The following HLA-B variants were observed in gnomAD, a reference collection of about 807,000 sequenced individuals.
HLA-B encodes major histocompatibility complex, class I, B, also known as HLA class I antigen HLA-B.
A neutral mutation model predicts 41.5 loss-of-function variants in HLA-B; 31 were observed. The observed-to-expected ratio is 0.75, with a 90% CI of 0.56 to 1.01. HLA-B has a LOEUF of 1.01. Among genes scored for constraint, HLA-B ranks in the 50% least tolerant of loss-of-function variants. The pLI, the probability that HLA-B is intolerant of heterozygous loss-of-function variation, is 0.00. For synonymous variants in HLA-B, 138 were observed against 189.0 expected, an observed-to-expected ratio of 0.73 and a Z score of 2.21; for missense variants, 369 against 457.2, an observed-to-expected ratio of 0.81 and a Z score of 1.76.
Position 31,356,322 on chromosome 6 carries a change from C to G in HLA-B, c.464G>C (p.Arg155Pro). Reference protein sequence around the residue: ...KDYIALNEDLRSWTAADTAAQ... With the variant: ...KDYIALNEDLPSWTAADTAAQ... ...CGCCGTGTCCGCGGCGGTCCAGGAGCGCAGGTCCTCGTTCAGGGCGATGTA... is the reference window on the plus strand; with the variant it reads ...CGCCGTGTCCGCGGCGGTCCAGGAGGGCAGGTCCTCGTTCAGGGCGATGTA... Residue 155 changes from arginine (R) to proline (P), a missense_variant, in exon 3 of 8, where the codon CGC becomes CCC. By Grantham distance (103) the Arg-to-Pro change is moderately radical. Transcript: ENST00000412585. 1 of 1,295,796 alleles carries G rather than the reference C, an allele frequency of 7.7e-7. No homozygotes were observed. Among genetic ancestry groups the G allele is most frequent in the Non-Finnish European group, 1.0e-6 (1 of 982,352 alleles). 80.3% of individuals were successfully genotyped at this position (1,295,796 alleles called of 1,614,324 possible).
At chr6:31,356,101 TTC>T in intron 3 of HLA-B, 64 bp downstream of exon 3, 1 of 1,275,014 alleles carries the variant, frequency 7.8e-7, no homozygotes, top group South Asian at 1.3e-5. Flanking sequence ...TTTCCTCCTC[TTC>T]TCGTGGGAGG....
chr6:31,356,382 CGGA>C lies in HLA-B; in HGVS notation c.401_403del (p.Leu134del). 9.8e-7 allele frequency: 1 copy of C among 1,015,326 alleles called. No individual in the cohort carries two copies. The highest frequency in any genetic ancestry group is 1.3e-6 in the Non-Finnish European group (1 of 774,474). 62.9% of individuals were successfully genotyped at this position (1,015,326 alleles called of 1,614,324 possible). ...GTCGTAGGCGTACTGGTCATGCCCGCGGAGGAGGCGCCCGTCCGGCCCCACGTC... is the reference window on the plus strand; with the variant it reads ...GTCGTAGGCGTACTGGTCATGCCCGCGGAGGCGCCCGTCCGGCCCCACGTC... On this transcript the variant is annotated inframe_deletion, in exon 3 of 8. Transcript: ENST00000412585.
Position 31,355,138 on chromosome 6 carries a change from G to A in HLA-B, c.981C>T (p.Val327=), listed in dbSNP as rs2308518. ...TCTTCCTCCTACACATCACAGCAGCGACCACAGCTCCGATGACCACAACTG... is the reference window on the plus strand; with the variant it reads ...TCTTCCTCCTACACATCACAGCAGCAACCACAGCTCCGATGACCACAACTG... The part of the protein sequence containing the change: ...VLAVVVIGAV[V]AAVMCRRKSS... Residue 327 remains valine (V), a synonymous_variant, in exon 5 of 8, where the codon GTC becomes GTT. Coordinates refer to ENST00000412585, the MANE Select transcript of HLA-B (RefSeq NM_005514.8). 43 of 1,122,158 alleles carry A rather than the reference G, an allele frequency of 3.8e-5. 1 individual carries two copies. In the African/African-American group the frequency reaches 6.8e-4, roughly 18 times the overall value. 69.5% of individuals were successfully genotyped at this position (1,122,158 alleles called of 1,614,324 possible). A position where few individuals can be genotyped will look rare whatever the true frequency, so the allele number is the denominator to read the frequency against.
Position 31,356,462 on chromosome 6 carries a change from CAGCCCAGT to C in HLA-B, c.344-28_344-21del. 1.4e-6 allele frequency: 1 copy of C among 728,542 alleles called. No individual in the cohort carries two copies. Among genetic ancestry groups the C allele is most frequent in the Non-Finnish European group, 1.8e-6 (1 of 547,916 alleles). 45.1% of individuals were successfully genotyped at this position (728,542 alleles called of 1,614,324 possible). A position where few individuals can be genotyped will look rare whatever the true frequency, so the allele number is the denominator to read the frequency against. ...GAGACCCTGGCCCCGGCCCCGCGGT[CAGCCCAGT>C]CCCCCGAGCCCCGCCCCGCCCCGAC... is the stretch of plus-strand genomic sequence containing the variant. On this transcript the variant is annotated intron_variant, in intron 2 of 7. Coordinates refer to ENST00000412585, the MANE Select transcript of HLA-B (RefSeq NM_005514.8).
chr6:31,354,428 A>ACCCCCCCCCCCCCCC, intron 7 of HLA-B, 51 bp downstream of exon 7: 6 of 153,866 alleles, frequency 3.9e-5, no homozygotes, highest in South Asian at 1.0e-4. Context: ...CCTCTGCCCC[A>ACCCCCCCCCCCCCCC]CCCACCCCCA....
chr6:31,356,733 C>G lies in HLA-B; in HGVS notation c.298G>C (p.Glu100Gln). ...IYKAQAQTDR[E>Q]SLRNLRGYYN... ...TAGCCGCGCAGGTTCCGCAGGCTCTCTCGGTCAGTCTGTGCCTGGGCCTTG... is the reference window on the plus strand; with the variant it reads ...TAGCCGCGCAGGTTCCGCAGGCTCTGTCGGTCAGTCTGTGCCTGGGCCTTG... The change falls in exon 2 of 8, where the codon GAG (glutamate) becomes CAG (glutamine). Residue 100 changes from glutamate (E) to glutamine (Q), a missense_variant. Around this residue, in one of 6 missense-constraint regions of HLA-B, gnomAD observed 113 missense variants for 173.2 expected, o/e 0.65. Coordinates refer to ENST00000412585, the MANE Select transcript of HLA-B (RefSeq NM_005514.8). 8.7e-7 allele frequency: 1 copy of G among 1,150,912 alleles called. No homozygotes were observed. Among genetic ancestry groups the G allele is most frequent in the Non-Finnish European group, 1.1e-6 (1 of 877,252 alleles). The allele number at this position is 1,150,912 out of a possible 1,614,324, so 71.3% of individuals were successfully genotyped here. A position where few individuals can be genotyped will look rare whatever the true frequency, so the allele number is the denominator to read the frequency against.
chr6:31,355,121 C>T lies in HLA-B; in HGVS notation c.998G>A (p.Arg333Lys). The T allele has an allele frequency of 1.0e-6, 1 of 969,342 alleles. No individual in the cohort carries two copies. The highest frequency in any genetic ancestry group is 1.4e-6 in the Non-Finnish European group (1 of 736,202). 60.0% of individuals were successfully genotyped at this position (969,342 alleles called of 1,614,324 possible). Residue 333 changes from arginine to lysine, a missense_variant, in exon 5 of 8, where the codon AGG becomes AAG. Transcript: ENST00000412585. ...CCCTTCCCTACCTGAACTCTTCCTC[C>T]TACACATCACAGCAGCGACCACAGC... ...IGAVVAAVMC[R>K]RKSSGGKGGS...
chr6:31,356,229 C>T lies in HLA-B; in HGVS notation c.557G>A (p.Gly186Asp), dbSNP rs41543920. ...TCTGCGGAGCCACTCCACGCACTCG[C>T]CCTCCAGGTAGGCTCTCCGCTGCTC... ...EAEQRRAYLE[G>D]ECVEWLRRYL... Residue 186 changes from glycine (G) to aspartate (D), a missense_variant, in exon 3 of 8, where the codon GGC becomes GAC. Around this residue, in one of 6 missense-constraint regions of HLA-B, gnomAD observed 76 missense variants for 62.4 expected, o/e 1.22. Transcript: ENST00000412585. 4.5e-5 allele frequency: 54 copies of T among 1,195,864 alleles called. No homozygotes were observed. The African/African-American group carries it at 9.9e-4, about 22-fold the overall frequency. 74.1% of individuals were successfully genotyped at this position (1,195,864 alleles called of 1,614,324 possible). A position where few individuals can be genotyped will look rare whatever the true frequency, so the allele number is the denominator to read the frequency against.
rs361531 is a variant in HLA-B at position 31,354,068 on chromosome 6, T to C, written c.*233A>G. The C allele has an allele frequency of 0.025, 10,492 of 425,878 alleles. 243 individuals carry two copies. Among genetic ancestry groups the C allele is most frequent in the East Asian group, 0.099 (2,371 of 24,042 alleles). 26.4% of individuals were successfully genotyped at this position (425,878 alleles called of 1,614,324 possible). Reference sequence around the variant, plus strand: ...AGAGATGGAGACATCCAGCCCCACCTCTCTGGAACAAGAAAGATGACTGGG... The same window carrying C: ...AGAGATGGAGACATCCAGCCCCACCCCTCTGGAACAAGAAAGATGACTGGG... On this transcript the variant is annotated 3_prime_UTR_variant, in exon 8 of 8. Transcript: ENST00000412585.
Position 31,353,910 on chromosome 6 carries a change from T to A in HLA-B, c.*391A>T. The A allele has an allele frequency of 3.2e-6, 1 of 314,592 alleles. No individual in the cohort carries two copies. The highest frequency in any genetic ancestry group is 6.1e-6 in the Non-Finnish European group (1 of 164,696). The allele number at this position is 314,592 out of a possible 1,614,324, so 19.5% of individuals were successfully genotyped here. On this transcript the variant is annotated 3_prime_UTR_variant, in exon 8 of 8. Coordinates refer to ENST00000412585, the MANE Select transcript of HLA-B (RefSeq NM_005514.8). ...TCAGGTCTTTATTTGCTCTCTCAAATTCCAGGAATTGACTTATTTAATTAA... is the reference window on the plus strand; with the variant it reads ...TCAGGTCTTTATTTGCTCTCTCAAAATCCAGGAATTGACTTATTTAATTAA...
chr6:31,357,027 C>A (rs964673339), intron 1 of HLA-B, 59 bp downstream of exon 1: 1 of 917,934 alleles, frequency 1.1e-6, no homozygotes, highest in South Asian at 2.2e-5. Flanking sequence ...CCTGCGCCCC[C>A]GCCTGCGGTC....
rs7768403 is a variant in HLA-B, at chr6:31,354,989, C to T, written c.1012+118G>A. 465 of 351,388 alleles carry T rather than the reference C, an allele frequency of 1.3e-3. 1 individual carries two copies. Among genetic ancestry groups the T allele is most frequent in the African/African-American group, 3.0e-3 (62 of 20,752 alleles). 21.8% of individuals were successfully genotyped at this position (351,388 alleles called of 1,614,324 possible). A position where few individuals can be genotyped will look rare whatever the true frequency, so the allele number is the denominator to read the frequency against. ...TGCTGGCACACAGGGTCCCAGGCTG[C>T]GTTAGCCCCTGTGTGCATGCTGCTT... On this transcript the variant is annotated intron_variant, in intron 5 of 7. Coordinates refer to ENST00000412585, the MANE Select transcript of HLA-B (RefSeq NM_005514.8).
rs3179865 is a variant in HLA-B, at chr6:31,356,417, G to T, written c.369C>A (p.Tyr123Ter). The T allele has an allele frequency of 6.9e-6, 6 of 864,118 alleles. No homozygotes were observed. Among genetic ancestry groups the T allele is most frequent in the East Asian group, 4.1e-5 (1 of 24,556 alleles). The allele number at this position is 864,118 out of a possible 1,614,324, so 53.5% of individuals were successfully genotyped here. ...GCCCGTCCGGCCCCACGTCGCAGCC[G>T]TACATGCTCTGGAGGGTGTGAGACC... ...EAGSHTLQSM[Y>*]GCDVGPDGRL... is the part of the protein sequence containing the mutation. Residue 123 changes from tyrosine to a stop codon, truncating the protein, a stop_gained, in exon 3 of 8, where the codon TAC becomes TAA. Coordinates refer to ENST00000412585, the MANE Select transcript of HLA-B (RefSeq NM_005514.8). LOFTEE classifies it high-confidence loss of function.
At chr6:31,355,047 G>C in intron 5 of HLA-B, 60 bp downstream of exon 5, 2 of 605,772 alleles carry the variant, frequency 3.3e-6, no homozygotes, top group Non-Finnish European at 5.0e-6. Flanking sequence ...CTTCTACCTG[G>C]GGCTTGAAAC....
intron 7 of HLA-B, 47 bp downstream of exon 7, chr6:31,354,432 A>AC: frequency 1.4e-5 from 3 of 213,794 alleles, no homozygotes; most frequent in Non-Finnish European, 2.6e-5. Flanking sequence ...TGCCCCACCC[A>AC]CCCCCAGACC....
chr6:31,356,713 G>GCGATC lies in HLA-B; in HGVS notation c.317_318insGATCG (p.Gly107IlefsTer46). 8.0e-7 allele frequency: 1 copy of GCGATC among 1,255,334 alleles called. No individual in the cohort carries two copies. Among genetic ancestry groups the GCGATC allele is most frequent in the African/African-American group, 2.4e-5 (1 of 41,770 alleles). 77.8% of individuals were successfully genotyped at this position (1,255,334 alleles called of 1,614,324 possible). A position where few individuals can be genotyped will look rare whatever the true frequency, so the allele number is the denominator to read the frequency against. ...CGGCCTCGCTCTGGTTGTAGTAGCC[G>GCGATC]CGCAGGTTCCGCAGGCTCTCTCGGT... is the stretch of plus-strand genomic sequence containing the variant. On this transcript the variant is annotated frameshift_variant, in exon 2 of 8. Coordinates refer to ENST00000412585, the MANE Select transcript of HLA-B (RefSeq NM_005514.8). LOFTEE classifies it high-confidence loss of function.
At position 31,355,380 on chromosome 6, in the gene HLA-B, C is replaced by T. The variant is rs779546832; in HGVS notation, c.832G>A (p.Glu278Lys). 3.1e-6 allele frequency: 5 copies of T among 1,587,984 alleles called. No homozygotes were observed. The highest frequency in any genetic ancestry group is 4.3e-6 in the Non-Finnish European group (5 of 1,173,024). The stretch of plus-strand genomic sequence containing the variant: ...TGTACATGGCATGTGTATCTCTGCT[C>T]TTCTCCAGAAGGCACCACCACAGCT... ...WAAVVVPSGE[E>K]QRYTCHVQHE... The change falls in exon 4 of 8, where the codon GAG becomes AAG. Residue 278 changes from glutamate to lysine, a missense_variant. Glu to Lys is a moderately conservative substitution (Grantham distance 56). Transcript: ENST00000412585.
At position 31,353,975 on chromosome 6, in the gene HLA-B, T is replaced by C. The variant is rs1057412; in HGVS notation, c.*326A>G. 2.9e-6 allele frequency: 1 copy of C among 348,444 alleles called. No homozygotes were observed. Among genetic ancestry groups the C allele is most frequent in the South Asian group, 3.8e-5 (1 of 25,988 alleles). The allele number at this position is 348,444 out of a possible 1,614,324, so 21.6% of individuals were successfully genotyped here. A position where few individuals can be genotyped will look rare whatever the true frequency, so the allele number is the denominator to read the frequency against. Reference sequence around the variant, plus strand: ...ATAGCAAATATTTGAGAAAACAAATTTATATTCAGATTCTTATTTTCAGTA... The same window carrying C: ...ATAGCAAATATTTGAGAAAACAAATCTATATTCAGATTCTTATTTTCAGTA... On this transcript the variant is annotated 3_prime_UTR_variant, in exon 8 of 8. Coordinates refer to ENST00000412585, the MANE Select transcript of HLA-B (RefSeq NM_005514.8).
intron 3 of HLA-B, 22 bp downstream of exon 3, chr6:31,356,145 G>C (rs983425199): frequency 1.5e-6 from 2 of 1,299,588 alleles, no homozygotes; most frequent in African/African-American, 2.3e-5. Context: ...AGATGGGGAA[G>C]GCTCCCCACT....
Sources: gnomAD v4.1 joint callset for allele counts on GRCh38, gnomAD v4.1.1 for gene constraint, gnomAD v4.1.1 regional missense constraint, MANE v1.5 for transcripts, NCBI Gene and HGNC (gene_info 2026-07-23, HGNC 2026-07-21) for gene names.